UPF3A: variants seen among roughly 807,000 people sequenced by gnomAD.
UPF3A encodes the protein regulator of nonsense transcripts 3A.
Under a neutral mutation model 53.5 loss-of-function variants are expected in UPF3A, and 42 were observed. The observed-to-expected ratio is 0.78, with a 90% CI of 0.61 to 1.01. UPF3A has a LOEUF of 1.01. Among genes scored for constraint, UPF3A ranks in the 50% least tolerant of loss-of-function variants. UPF3A has a pLI of 0.00. For missense variants in UPF3A, 575 were observed against 598.0 expected (o/e 0.96, Z 0.40); for synonymous variants, 237 against 225.3 (o/e 1.05, Z -0.47).
intron 9 of UPF3A, among the ~76,000 whole-genome samples, chr13:114,304,101 G>A (rs2086832212): frequency 6.6e-6 from 1 of 152,204 alleles, no homozygotes; most frequent in African/African-American, 2.4e-5. Context: ...GGCAGGGAGC[G>A]GGAGGCGCGT....
At chr13:114,302,134 T>G in intron 9 of UPF3A, 109 bp downstream of exon 9, 1 of 1,131,466 alleles carries the variant, frequency 8.8e-7, no homozygotes, top group Non-Finnish European at 1.2e-6. Flanking sequence ...ACGCAGTGCT[T>G]TGAGCATTTT....
rs1390594896 is a variant in UPF3A, at chr13:114,282,507, G to A, written c.315-330G>A. 7 of 985,320 alleles carry A rather than the reference G, an allele frequency of 7.1e-6. No individual in the cohort carries two copies. In the East Asian group the frequency reaches 6.8e-4, roughly 96 times the overall value. The allele number at this position is 985,320 out of a possible 1,614,324, so 61.0% of individuals were successfully genotyped here. On this transcript the variant is annotated intron_variant, in intron 2 of 9. Transcript: ENST00000375299. ...TCCACGCTGGTGCCGCAGCCAGTGCGGTTTTAAATACCGGAGAAGGTCCCC... is the reference window on the plus strand; with the variant it reads ...TCCACGCTGGTGCCGCAGCCAGTGCAGTTTTAAATACCGGAGAAGGTCCCC...
chr13:114,295,007 A>G (rs531685027), intron 7 of UPF3A, among the ~76,000 whole-genome samples: 2,020 of 143,050 alleles, frequency 0.014, 16 homozygotes, highest in Non-Finnish European at 0.02. Flanking sequence ...AGCTACTTGG[A>G]AGGCTGAGGC....
intron 5 of UPF3A, among the ~76,000 whole-genome samples, chr13:114,289,711 C>A (rs1381576077): frequency 6.6e-6 from 1 of 152,148 alleles, no homozygotes; most frequent in Non-Finnish European, 1.5e-5. Context: ...CCTTTAGCAT[C>A]GGCCTTTAGA....
At chr13:114,284,099 C>T in intron 3 of UPF3A, 1 of 984,960 alleles carries the variant, frequency 1.0e-6, no homozygotes, top group Non-Finnish European at 1.2e-6. Context: ...CACAGTGGCT[C>T]ACACCTGTAA....
chr13:114,294,182 T>A (rs1268864248), intron 7 of UPF3A, among the ~76,000 whole-genome samples: 1 of 151,854 alleles, frequency 6.6e-6, no homozygotes, highest in Non-Finnish European at 1.5e-5. Flanking sequence ...AAAAATGGAA[T>A]CTGTGGAGAA....
chr13:114,303,335 G>T (rs147914714), intron 9 of UPF3A, among the ~76,000 whole-genome samples: 1 of 152,112 alleles, frequency 6.6e-6, no homozygotes, highest in Non-Finnish European at 1.5e-5. Flanking sequence ...GACCTGAGGT[G>T]GGGGAGCATT....
chr13:114,295,633 G>A (rs571216773), intron 7 of UPF3A, among the ~76,000 whole-genome samples: 45 of 152,234 alleles, frequency 3.0e-4, no homozygotes, highest in Admixed American at 2.2e-3. Flanking sequence ...ATGTCTGTTC[G>A]TAGCTTTTGA....
rs1188419332 is a variant in UPF3A at position 114,304,981 on chromosome 13, C to T, written c.*64C>T. On this transcript the variant is annotated 3_prime_UTR_variant, in exon 10 of 10. Coordinates refer to ENST00000375299, the MANE Select transcript of UPF3A (RefSeq NM_023011.4). ...CATCCCAGAAACGTGTAAATGACCC[C>T]GAGTGTGACTGGGAAGGAGAACTTA... 3.8e-6 allele frequency: 6 copies of T among 1,558,722 alleles called. No individual in the cohort carries two copies. Among genetic ancestry groups the T allele is most frequent in the African/African-American group, 2.7e-5 (2 of 72,892 alleles).
intron 5 of UPF3A, 133 bp downstream of exon 5, chr13:114,286,762 T>C: frequency 1.4e-6 from 1 of 732,496 alleles, no homozygotes; most frequent in East Asian, 2.8e-5. Flanking sequence ...GTAGAGTGAT[T>C]TCCAGTTTTG....
intron 9 of UPF3A, 141 bp from the exon 10 acceptor site, chr13:114,304,648 G>A (rs980660057): frequency 1.7e-6 from 2 of 1,187,854 alleles, no homozygotes; most frequent in African/African-American, 1.5e-5. Context: ...AGATAGTGCT[G>A]TGAAAAAAGG....
chr13:114,292,945 C>T (rs993232428), intron 7 of UPF3A, among the ~76,000 whole-genome samples: 5 of 151,660 alleles, frequency 3.3e-5, no homozygotes, highest in African/African-American at 7.3e-5. Context: ...TGGTGGCGGA[C>T]GCCTTAATCC....
At chr13:114,282,439 C>CGGGGCGCTGCGGGGCCGG in intron 2 of UPF3A, 1 of 985,272 alleles carries the variant, frequency 1.0e-6, no homozygotes, top group Non-Finnish European at 1.2e-6. Context: ...CGTCCGCGGA[C>CGGGGCGCTGCGGGGCCGG]GGGGCGCTGC....
intron 3 of UPF3A, chr13:114,283,214 C>A (rs2084306023): frequency 3.5e-6 from 1 of 282,300 alleles, no homozygotes; most frequent in African/African-American, 2.3e-5. Context: ...AGACGGGGGT[C>A]TCACTGTGTT....
At chr13:114,290,964 A>G (rs1239747670) in intron 5 of UPF3A, among the ~76,000 whole-genome samples, 1 of 151,554 alleles carries the variant, frequency 6.6e-6, no homozygotes, top group Non-Finnish European at 1.5e-5. Flanking sequence ...CGAATTCCCA[A>G]TCTAAGGTGA....
At chr13:114,298,544 G>A (rs2086283907) in intron 7 of UPF3A, among the ~76,000 whole-genome samples, 1 of 152,170 alleles carries the variant, frequency 6.6e-6, no homozygotes, top group Admixed American at 6.5e-5. Context: ...TGTCTCAAAA[G>A]AGAAAAGTGT....
At chr13:114,284,905 T>G (rs2084522586) in intron 3 of UPF3A, among the ~76,000 whole-genome samples, 1 of 152,134 alleles carries the variant, frequency 6.6e-6, no homozygotes, top group African/African-American at 2.4e-5. Flanking sequence ...CCCCCCACAT[T>G]GGCCTCCCAA....
chr13:114,281,771 G>A lies in UPF3A; in HGVS notation c.132G>A (p.Thr44=), dbSNP rs762252924. 1 of 1,556,818 alleles carries A rather than the reference G, an allele frequency of 6.4e-7. No individual in the cohort carries two copies. Among genetic ancestry groups the A allele is most frequent in the South Asian group, 1.2e-5 (1 of 84,412 alleles). Residue 44 remains threonine (T), a synonymous_variant, in exon 1 of 10, where the codon ACG becomes ACA. Transcript: ENST00000375299. ...HRDSQQQEAE[T]PPTSSSGCGG... ...ACTCGCAGCAGCAGGAGGCTGAGAC[G>A]CCGCCAACTTCGTCCTCCGGTTGCG...
At chr13:114,296,183 G>T (rs536419738) in intron 7 of UPF3A, among the ~76,000 whole-genome samples, 3 of 152,186 alleles carry the variant, frequency 2.0e-5, no homozygotes, top group Non-Finnish European at 4.4e-5. Flanking sequence ...AGGAGTTTGA[G>T]ACCAGCCTGG....
Sources: allele counts gnomAD v4.1 joint callset (sites outside exome capture counted in the v4.1 genomes callset), GRCh38; gene constraint gnomAD v4.1.1; transcripts MANE v1.5; gene names NCBI Gene and HGNC (gene_info 2026-07-23, HGNC 2026-07-21).